GAGE10: variants seen among roughly 807,000 people sequenced by gnomAD.
GAGE10 encodes the protein G antigen 10.
Under a neutral mutation model 11.5 loss-of-function variants are expected in GAGE10, and 9 were observed. That is an observed-to-expected ratio of 0.78 (90% CI 0.47 to 1.37). The LOEUF is 1.37. Among genes scored for constraint, GAGE10 ranks in the 40% most tolerant of loss-of-function variants. The pLI is 0.00. For synonymous variants in GAGE10, 23 were observed against 29.7 expected (o/e 0.77, Z 0.73); for missense variants, 83 against 92.9 (o/e 0.89, Z 0.44).
rs1475066744 is a variant in GAGE10 at position 49,304,939 on chromosome X, T to G, written c.80T>G (p.Leu27Arg). 2.8e-5 allele frequency: 34 copies of G among 1,199,468 alleles called. No homozygotes were observed. The East Asian group carries it at 3.0e-4, about 10-fold the overall frequency. Reference sequence around the variant, plus strand: ...CCCCCTGAAATGATTGGGCCTATGCTGGTGAGTGCTTAAACGTTAATTCGT... The same window carrying G: ...CCCCCTGAAATGATTGGGCCTATGCGGGTGAGTGCTTAAACGTTAATTCGT... ...VEPPEMIGPM[L>R]PEQFSDEVEP... Residue 27 changes from leucine (L) to arginine (R), a missense_variant and splice_region_variant, in exon 2 of 5, where the codon CTG becomes CGG. Transcript: ENST00000407599.
chrX:49,317,728 G>A (rs1259994682), intron 4 of GAGE10, among the ~76,000 whole-genome samples: 1 of 111,196 alleles, frequency 9.0e-6, no homozygotes, highest in Admixed American at 9.6e-5. Context: ...TATTTGAAAC[G>A]TAGTTCAGGC....
chrX:49,305,143 A>C (rs4986775), intron 2 of GAGE10, among the ~76,000 whole-genome samples: 3,554 of 111,375 alleles, frequency 0.032, 126 homozygotes, highest in African/African-American at 0.11. Flanking sequence ...CTTCTTTCTC[A>C]GGCTTTGTTT....
chrX:49,307,345 A>C (rs2066360928), intron 3 of GAGE10, among the ~76,000 whole-genome samples: 1 of 112,649 alleles, frequency 8.9e-6, no homozygotes, highest in Admixed American at 9.4e-5. Flanking sequence ...ATCAGAACAA[A>C]GAAAAAGTAA....
chrX:49,312,923 A>T, intron 3 of GAGE10, among the ~76,000 whole-genome samples: 1 of 112,411 alleles, frequency 8.9e-6, no homozygotes, highest in South Asian at 3.7e-4. Context: ...AATAATCCAA[A>T]ACAAGGACCT....
At position 49,317,281 on chromosome X, in the gene GAGE10, T is replaced by A. The variant is rs782275724; in HGVS notation, c.321T>A (p.Pro107=). Residue 107 remains proline, a synonymous_variant, in exon 4 of 5, where the codon CCT becomes CCA. Coordinates refer to ENST00000407599, the MANE Select transcript of GAGE10 (RefSeq NM_001098413.4). ...GLPNPEEVKR[P]EEGEKQSQC is the part of the protein sequence containing the mutation. ...CAAATCCAGAGGAGGTGAAAAGGCCTGAAGAAGGTAGGGAATCCATTAGGC... is the reference window on the plus strand; with the variant it reads ...CAAATCCAGAGGAGGTGAAAAGGCCAGAAGAAGGTAGGGAATCCATTAGGC... 2 of 1,205,634 alleles carry A rather than the reference T, an allele frequency of 1.7e-6. No individual in the cohort carries two copies. The highest frequency in any genetic ancestry group is 3.5e-5 in the South Asian group (2 of 56,893).
rs1224043115 is a variant in GAGE10 at position 49,317,652 on chromosome X, C to T, written c.328+364C>T. On this transcript the variant is annotated intron_variant, in intron 4 of 4. Transcript: ENST00000407599. ...CGAGAGCCACCATACGCGACCAAGGCATTATATTTTTAATAACACAGGTAA... is the reference window on the plus strand; with the variant it reads ...CGAGAGCCACCATACGCGACCAAGGTATTATATTTTTAATAACACAGGTAA... 2.7e-5 allele frequency among the ~76,000 whole-genome samples: 3 copies of T among 109,860 alleles called. No homozygotes were observed. In the East Asian group the frequency reaches 8.5e-4, roughly 31 times the overall value.
chrX:49,311,240 A>G (rs1393404633), intron 3 of GAGE10, among the ~76,000 whole-genome samples: 1 of 112,203 alleles, frequency 8.9e-6, no homozygotes, highest in African/African-American at 3.2e-5. Flanking sequence ...TGATGGCATA[A>G]CAAAACATTT....
At chrX:49,316,307 G>A (rs139347225) in intron 3 of GAGE10, among the ~76,000 whole-genome samples, 2,150 of 111,932 alleles carry the variant, frequency 0.019, 21 homozygotes, top group Non-Finnish European at 0.029. Flanking sequence ...TGAAAAGTAA[G>A]AAATGATGTA....
intron 3 of GAGE10, among the ~76,000 whole-genome samples, chrX:49,306,978 A>G (rs1477325647): frequency 8.9e-6 from 1 of 112,037 alleles, no homozygotes; most frequent in East Asian, 2.8e-4. Flanking sequence ...TAAGATGGTA[A>G]ATTTTAGAAT....
At chrX:49,319,309 G>A (rs1476872476) in intron 4 of GAGE10, among the ~76,000 whole-genome samples, 5 of 110,713 alleles carry the variant, frequency 4.5e-5, no homozygotes, top group African/African-American at 1.0e-4. Flanking sequence ...TAAGACGGTA[G>A]ACACACATAC....
chrX:49,304,232 C>T (rs1234255338), intron 1 of GAGE10, among the ~76,000 whole-genome samples: 3 of 111,565 alleles, frequency 2.7e-5, no homozygotes, highest in East Asian at 5.7e-4. Flanking sequence ...AGTGGGGAGC[C>T]CCGAGTGAGA....
chrX:49,317,267 G>A lies in GAGE10; in HGVS notation c.307G>A (p.Glu103Lys), dbSNP rs782528877. 2 of 1,207,285 alleles carry A rather than the reference G, an allele frequency of 1.7e-6. No individual in the cohort carries two copies. Among genetic ancestry groups the A allele is most frequent in the Admixed American group, 2.2e-5 (1 of 45,886 alleles). ...GQEMGLPNPEEVKRPEEGEKQ... is the reference protein window; with the variant it reads ...GQEMGLPNPEKVKRPEEGEKQ... ...GGAGATGGGCCTGCCAAATCCAGAGGAGGTGAAAAGGCCTGAAGAAGGTAG... is the reference window on the plus strand; with the variant it reads ...GGAGATGGGCCTGCCAAATCCAGAGAAGGTGAAAAGGCCTGAAGAAGGTAG... The change falls in exon 4 of 5, where the codon GAG becomes AAG. Residue 103 changes from glutamate to lysine, a missense_variant. By Grantham distance (56) the Glu-to-Lys change is moderately conservative (BLOSUM62 1). Coordinates refer to ENST00000407599, the MANE Select transcript of GAGE10 (RefSeq NM_001098413.4).
intron 3 of GAGE10, among the ~76,000 whole-genome samples, chrX:49,314,494 C>T (rs1557125009): frequency 2.7e-5 from 3 of 112,565 alleles, no homozygotes; most frequent in East Asian, 2.8e-4. Flanking sequence ...AAGACAAGGA[C>T]ATGCAATCCT....
At chrX:49,313,195 G>C (rs1284260112) in intron 3 of GAGE10, among the ~76,000 whole-genome samples, 1 of 112,107 alleles carries the variant, frequency 8.9e-6, no homozygotes, top group Non-Finnish European at 1.9e-5. Flanking sequence ...GGCAGAAGTA[G>C]TACAAAAGCT....
chrX:49,315,572 G>T (rs2066388953), intron 3 of GAGE10, among the ~76,000 whole-genome samples: 1 of 112,316 alleles, frequency 8.9e-6, no homozygotes, highest in Non-Finnish European at 1.9e-5. Context: ...AATGAGAAAT[G>T]CTATACATCA....
At chrX:49,305,254 T>G in intron 2 of GAGE10, 150 bp from the exon 3 acceptor site, 1 of 1,176,895 alleles carries the variant, frequency 8.5e-7, no homozygotes, top group Non-Finnish European at 1.1e-6. Flanking sequence ...GTGGGTCGAG[T>G]AACCTTATTG....
In GAGE10 at chrX:49,317,410, G is replaced by A. The variant is rs1390980809; in HGVS notation, c.328+122G>A. 2.9e-6 allele frequency: 3 copies of A among 1,022,374 alleles called. No homozygotes were observed. In the Admixed American group the frequency reaches 8.7e-5, roughly 30 times the overall value. 84.3% of individuals were successfully genotyped at this position (1,022,374 alleles called of 1,213,427 possible). On this transcript the variant is annotated intron_variant, in intron 4 of 4. Transcript: ENST00000407599. ...TCCACCAGGCTGGAGTGCAGTGGTGGCATCTCGGCTCATTGGAAATTCCGC... is the reference window on the plus strand; with the variant it reads ...TCCACCAGGCTGGAGTGCAGTGGTGACATCTCGGCTCATTGGAAATTCCGC...
rs2066394728 is a variant in GAGE10, at chrX:49,317,104, T to A, written c.203-59T>A. 2.7e-6 allele frequency: 3 copies of A among 1,103,972 alleles called. No individual in the cohort carries two copies. The East Asian group carries it at 9.4e-5, about 35-fold the overall frequency. 91.0% of individuals were successfully genotyped at this position (1,103,972 alleles called of 1,213,427 possible). ...ATAACACCGAGAGCATGAATATTAT[T>A]TTCTTATTCATATTTCATGTTTTAC... is the stretch of plus-strand genomic sequence containing the variant. On this transcript the variant is annotated intron_variant, in intron 3 of 4. Transcript: ENST00000407599.
intron 3 of GAGE10, among the ~76,000 whole-genome samples, chrX:49,309,383 G>T (rs797043025): frequency 8.9e-6 from 1 of 112,386 alleles, no homozygotes; most frequent in African/African-American, 3.2e-5. Context: ...GCACTACAGA[G>T]AAATTGGCCA....
Sources: allele counts gnomAD v4.1 joint callset (sites outside exome capture counted in the v4.1 genomes callset), GRCh38; gene constraint gnomAD v4.1.1; transcripts MANE v1.5; gene names NCBI Gene and HGNC (gene_info 2026-07-23, HGNC 2026-07-21).